SNRPC: variants seen among roughly 807,000 people sequenced by gnomAD.
SNRPC encodes the protein small nuclear ribonucleoprotein polypeptide C.
SNRPC carries 5 observed loss-of-function variants against 20.0 expected under a neutral mutation model. That is an observed-to-expected ratio of 0.25 (90% CI 0.13 to 0.53). The LOEUF (loss-of-function observed/expected upper bound fraction) is 0.53. Ranked by LOEUF, SNRPC falls within the 20% of genes least tolerant of loss-of-function variation. The pLI, the probability that SNRPC is intolerant of heterozygous loss-of-function variation, is 0.96. For missense variants in SNRPC, 112 were observed against 224.1 expected (o/e 0.50, Z 3.19); for synonymous variants, 61 against 58.7 (o/e 1.04, Z -0.18).
intron 5 of SNRPC, among the ~76,000 whole-genome samples, chr6:34,771,286 G>A (rs1299335280): frequency 3.4e-5 from 5 of 145,076 alleles, no homozygotes; most frequent in African/African-American, 1.3e-4. Flanking sequence ...CTGATATTGT[G>A]CCACTGCACT....
intron 3 of SNRPC, among the ~76,000 whole-genome samples, chr6:34,765,500 G>A (rs1208160925): frequency 1.3e-5 from 2 of 151,930 alleles, no homozygotes; most frequent in Non-Finnish European, 1.5e-5. Flanking sequence ...GCAGTGGCAC[G>A]ATCTCAGCTC....
rs1379278819 is a variant in SNRPC, at chr6:34,773,818, C to A, written c.*248C>A. The A allele has an allele frequency of 9.2e-6, 3 of 326,282 alleles. No individual in the cohort carries two copies. The highest frequency in any genetic ancestry group is 1.1e-5 in the Non-Finnish European group (2 of 176,016). 20.2% of individuals were successfully genotyped at this position (326,282 alleles called of 1,614,324 possible). ...AAGTGTGTTCCCTTTTTCCTCCTCT[C>A]TGTGTTCTCTGTGTATTATAAAAGA... On this transcript the variant is annotated 3_prime_UTR_variant, in exon 6 of 6. Coordinates refer to ENST00000244520, the MANE Select transcript of SNRPC (RefSeq NM_003093.3). This position sits in a 1 kb window ranked among gnomAD's most constrained non-coding sequence, Gnocchi z 4.1.
Position 34,757,524 on chromosome 6 carries a change from C to A in SNRPC, c.-20C>A. On this transcript the variant is annotated 5_prime_UTR_variant, in exon 1 of 6. Transcript: ENST00000244520. ...TTCCGGGCGTCACGTAACGGAGTGG[C>A]CAACGGCCTGCAGAGCAACATGCCC... 6.2e-7 allele frequency: 1 copy of A among 1,613,016 alleles called. No individual in the cohort carries two copies. The highest frequency in any genetic ancestry group is 8.5e-7 in the Non-Finnish European group (1 of 1,179,030).
intron 4 of SNRPC, among the ~76,000 whole-genome samples, chr6:34,768,198 T>A: frequency 6.6e-6 from 1 of 152,222 alleles, no homozygotes; most frequent in East Asian, 1.9e-4. Flanking sequence ...AAAATAACTT[T>A]AGAGTTAACT....
intron 2 of SNRPC, among the ~76,000 whole-genome samples, chr6:34,759,041 A>AAG (rs1554121733): frequency 6.4e-4 from 93 of 145,840 alleles, no homozygotes; most frequent in East Asian, 3.6e-3. Context: ...AAAAAAAAAA[A>AAG]AAAAGAAAAG....
intron 4 of SNRPC, among the ~76,000 whole-genome samples, chr6:34,769,672 A>C (rs140047129): frequency 7.2e-4 from 109 of 152,240 alleles, no homozygotes; most frequent in African/African-American, 2.5e-3. Flanking sequence ...GCTTTTTGTC[A>C]GGAGCTCTAT....
At chr6:34,758,564 C>T (rs1307591432) in intron 2 of SNRPC, among the ~76,000 whole-genome samples, 3 of 152,128 alleles carry the variant, frequency 2.0e-5, no homozygotes, top group Admixed American at 2.0e-4. Context: ...ATCTGTCCTC[C>T]TCGGCCTCCC....
At position 34,770,304 on chromosome 6, in the gene SNRPC, C is replaced by T. The variant is rs1394130061; in HGVS notation, c.264C>T (p.Arg88=). The T allele has an allele frequency of 3.1e-6, 5 of 1,611,714 alleles. No homozygotes were observed. Among genetic ancestry groups the T allele is most frequent in the Non-Finnish European group, 3.4e-6 (4 of 1,177,892 alleles). ...PPPPSLPGPP[R]PGMMPAPHMG... Reference sequence around the variant, plus strand: ...TCTTTATTTCAGCGGGTCCTCCTCGCCCTGGTATGATGCCAGCACCCCATA... The same window carrying T: ...TCTTTATTTCAGCGGGTCCTCCTCGTCCTGGTATGATGCCAGCACCCCATA... Residue 88 remains arginine, a synonymous_variant, in exon 5 of 6, where the codon CGC becomes CGT. Coordinates refer to ENST00000244520, the MANE Select transcript of SNRPC (RefSeq NM_003093.3).
At chr6:34,758,516 T>C (rs1764483364) in intron 2 of SNRPC, among the ~76,000 whole-genome samples, 1 of 152,030 alleles carries the variant, frequency 6.6e-6, no homozygotes, top group Admixed American at 6.6e-5. Context: ...GGTTTCTCCA[T>C]GTTGGTCAGG....
intron 1 of SNRPC, 21 bp downstream of exon 1, chr6:34,757,572 T>C: frequency 3.1e-6 from 5 of 1,611,510 alleles, no homozygotes; most frequent in African/African-American, 1.3e-5. Context: ...CCCCGAAATC[T>C]GAGGGTGATC....
At chr6:34,771,142 C>T (rs901236364) in intron 5 of SNRPC, among the ~76,000 whole-genome samples, 5 of 152,066 alleles carry the variant, frequency 3.3e-5, no homozygotes, top group African/African-American at 1.2e-4. Flanking sequence ...TCTTGGCTAA[C>T]ACAATGAAAC....
At chr6:34,759,040 A>AAG (rs1764497916) in intron 2 of SNRPC, among the ~76,000 whole-genome samples, 2 of 150,508 alleles carry the variant, frequency 1.3e-5, no homozygotes, top group Admixed American at 6.6e-5. Flanking sequence ...AAAAAAAAAA[A>AAG]AAAAAGAAAA....
intron 5 of SNRPC, among the ~76,000 whole-genome samples, chr6:34,770,780 A>AT (rs1764675416): frequency 6.6e-6 from 1 of 152,010 alleles, no homozygotes; most frequent in Admixed American, 6.6e-5. Flanking sequence ...AGCTTGTTCC[A>AT]TTTTGTGGGA....
chr6:34,767,968 G>A lies in SNRPC; in HGVS notation c.221G>A (p.Gly74Glu). 20 of 1,611,252 alleles carry A rather than the reference G, an allele frequency of 1.2e-5. No homozygotes were observed. The highest frequency in any genetic ancestry group is 1.7e-5 in the Non-Finnish European group (20 of 1,179,302). ...CCATTCTCTGCTCCTCCTCCTGCAG[G>A]GGCGATGATACCACCTCCCCCCAGC... ...PTPFSAPPPA[G>E]AMIPPPPSLP... Residue 74 changes from glycine to glutamate, a missense_variant, in exon 4 of 6, where the codon GGG (glycine) becomes GAG (glutamate). Physicochemically the swap from Gly to Glu is moderately conservative, Grantham distance 98 (BLOSUM62 -2). Transcript: ENST00000244520.
chr6:34,769,488 C>A (rs892891037), intron 4 of SNRPC, among the ~76,000 whole-genome samples: 1 of 152,080 alleles, frequency 6.6e-6, no homozygotes, highest in Admixed American at 6.6e-5. Context: ...CCACCACCCC[C>A]AGCCTACCTC....
chr6:34,771,271 G>A (rs967039370), intron 5 of SNRPC, among the ~76,000 whole-genome samples: 1 of 149,590 alleles, frequency 6.7e-6, no homozygotes, highest in Non-Finnish European at 1.5e-5. Context: ...AGAGGTTGCA[G>A]TGAGCTGATA....
chr6:34,765,783 G>T (rs2127406867), intron 3 of SNRPC, among the ~76,000 whole-genome samples: 1 of 152,012 alleles, frequency 6.6e-6, no homozygotes, highest in African/African-American at 2.4e-5. Flanking sequence ...CTGTTGCCCA[G>T]ACTGGAGTGC....
intron 3 of SNRPC, among the ~76,000 whole-genome samples, chr6:34,764,496 C>A (rs1487131730): frequency 2.8e-5 from 4 of 144,758 alleles, no homozygotes; most frequent in Admixed American, 6.9e-5. Flanking sequence ...CAAAAAAAAA[C>A]AACAAAAAAC....
At chr6:34,766,319 G>C (rs903584915) in intron 3 of SNRPC, among the ~76,000 whole-genome samples, 2 of 152,046 alleles carry the variant, frequency 1.3e-5, no homozygotes, top group Admixed American at 1.3e-4. Flanking sequence ...TCCTGCCTCA[G>C]CCTCCCAAGT....
Sources: allele counts gnomAD v4.1 joint callset (sites outside exome capture counted in the v4.1 genomes callset), GRCh38; gene constraint gnomAD v4.1.1; non-coding constraint Gnocchi (gnomAD v3.1); transcripts MANE v1.5; gene names NCBI Gene and HGNC (gene_info 2026-07-23, HGNC 2026-07-21).